The following CTNNA3 variants were observed in gnomAD, a reference collection of about 807,000 sequenced individuals.
The protein encoded by CTNNA3 is catenin alpha 3.
A neutral mutation model predicts 95.7 loss-of-function variants in CTNNA3; 76 were observed. That is an observed-to-expected ratio of 0.79 (90% CI 0.66 to 0.96). CTNNA3 has a LOEUF of 0.96. Ranked by LOEUF, CTNNA3 falls within the 40% of genes least tolerant of loss-of-function variation. The pLI is 0.00. For synonymous variants in CTNNA3, 431 were observed against 374.4 expected (o/e 1.15, Z -1.74); for missense variants, 1,191 against 1,089.8 (o/e 1.09, Z -1.31).
At chr10:67,003,939 G>A (rs1330080802) in intron 7 of CTNNA3, among the ~76,000 whole-genome samples, 1 of 152,134 alleles carries the variant, frequency 6.6e-6, no homozygotes, top group Admixed American at 6.5e-5. Context: ...TATTGCATGA[G>A]TAAGTTCTAT....
At chr10:66,320,887 T>C (rs893614844) in intron 12 of CTNNA3, among the ~76,000 whole-genome samples, 1 of 152,164 alleles carries the variant, frequency 6.6e-6, no homozygotes, top group African/African-American at 2.4e-5. Flanking sequence ...AATATTCTTT[T>C]GGCCAAGAAA....
At chr10:66,051,572 G>A (rs1209705018) in intron 15 of CTNNA3, among the ~76,000 whole-genome samples, 1 of 152,162 alleles carries the variant, frequency 6.6e-6, no homozygotes, top group Non-Finnish European at 1.5e-5. Flanking sequence ...AACATTTAGT[G>A]ATTTCCAAAC....
intron 7 of CTNNA3, among the ~76,000 whole-genome samples, chr10:67,080,929 A>G (rs1173931084): frequency 2.9e-5 from 1 of 34,974 alleles, no homozygotes; most frequent in Non-Finnish European, 5.0e-5. Flanking sequence ...AAAAAACAAA[A>G]AAACAACAAA....
chr10:67,346,654 G>A (rs1203170896), intron 5 of CTNNA3: 1 of 500,906 alleles, frequency 2.0e-6, no homozygotes, highest in Non-Finnish European at 4.0e-6. Flanking sequence ...CTAGTTATAA[G>A]TGAGTTTCTG....
intron 7 of CTNNA3, among the ~76,000 whole-genome samples, chr10:66,882,401 A>C (rs1844883182): frequency 6.6e-6 from 1 of 152,166 alleles, no homozygotes; most frequent in South Asian, 2.1e-4. Context: ...AATTTCGGCC[A>C]TCAAAACCAT....
chr10:65,985,009 T>C (rs1405836754), intron 16 of CTNNA3, among the ~76,000 whole-genome samples: 1 of 150,742 alleles, frequency 6.6e-6, no homozygotes, highest in African/African-American at 2.4e-5. Context: ...TTAATAAAAT[T>C]TTATAATAAT....
chr10:66,341,209 T>C (rs972659867), intron 12 of CTNNA3, among the ~76,000 whole-genome samples: 1 of 151,942 alleles, frequency 6.6e-6, no homozygotes, highest in African/African-American at 2.4e-5. Context: ...ATAAACATGT[T>C]AGCAACCATC....
chr10:66,055,921 C>CAAAAAA (rs386371652), intron 15 of CTNNA3, among the ~76,000 whole-genome samples: 1 of 60,210 alleles, frequency 1.7e-5, no homozygotes, highest in Admixed American at 2.1e-4. Context: ...GACTCCATCT[C>CAAAAAA]AAAAAAAAAA....
intron 5 of CTNNA3, among the ~76,000 whole-genome samples, chr10:67,267,281 TA>T (rs1268646060): frequency 6.6e-6 from 1 of 152,190 alleles, no homozygotes; most frequent in Non-Finnish European, 1.5e-5. Flanking sequence ...CTGGCTGAAA[TA>T]AAAACACGAA....
At chr10:67,738,235 C>G (rs182760751) in intron 1 of CTNNA3, among the ~76,000 whole-genome samples, 62 of 152,276 alleles carry the variant, frequency 4.1e-4, no homozygotes, top group African/African-American at 1.4e-3. Context: ...GAGGAAGGAT[C>G]AGGCAGCGAT....
intron 9 of CTNNA3, among the ~76,000 whole-genome samples, chr10:66,649,102 C>T (rs1845807324): frequency 6.6e-6 from 1 of 151,828 alleles, no homozygotes. Flanking sequence ...ATAATAGGTG[C>T]CAGAAGAAAA....
At chr10:66,187,192 T>C (rs1021580415) in intron 13 of CTNNA3, among the ~76,000 whole-genome samples, 14 of 152,108 alleles carry the variant, frequency 9.2e-5, no homozygotes, top group African/African-American at 3.1e-4. Flanking sequence ...CGTGCAAAAC[T>C]TGTTACTTGA....
intron 13 of CTNNA3, among the ~76,000 whole-genome samples, chr10:66,135,079 G>C (rs924555045): frequency 6.6e-6 from 1 of 152,090 alleles, no homozygotes; most frequent in Non-Finnish European, 1.5e-5. Context: ...AATGAAAAAT[G>C]ATAAGAAAAT....
Position 67,219,733 on chromosome 10 carries a change from G to A in CTNNA3, c.717C>T (p.Asp239=). The change falls in exon 6 of 18, where the codon GAC becomes GAT. Residue 239 remains aspartate, a synonymous_variant. Coordinates refer to ENST00000433211, the MANE Select transcript of CTNNA3 (RefSeq NM_013266.4). ...SDVASLKASK[D]TVCEEIQNAL... ...CATTCTGAATTTCTTCACAAACTGT[G>A]TCCTTGCTTGCTTTGAGGGAAGCAA... The A allele has an allele frequency of 6.2e-7, 1 of 1,614,058 alleles. No homozygotes were observed.
chr10:67,102,932 G>T (rs1858424463), intron 7 of CTNNA3, among the ~76,000 whole-genome samples: 1 of 151,708 alleles, frequency 6.6e-6, no homozygotes, highest in South Asian at 2.1e-4. Context: ...GATTAATGTG[G>T]AAAATAGTAG....
chr10:67,637,988 G>C (rs1416690543), intron 2 of CTNNA3, among the ~76,000 whole-genome samples: 3 of 152,134 alleles, frequency 2.0e-5, no homozygotes, highest in Non-Finnish European at 2.9e-5. Flanking sequence ...ACATCATAAT[G>C]ACAGGATCAA....
At chr10:66,287,198 A>G (rs370489081) in intron 12 of CTNNA3, among the ~76,000 whole-genome samples, 6 of 152,064 alleles carry the variant, frequency 3.9e-5, no homozygotes, top group Non-Finnish European at 8.8e-5. Context: ...GGAAGGCTGA[A>G]GCAAGAGGAT....
At chr10:66,608,827 A>G (rs1195646131) in intron 10 of CTNNA3, among the ~76,000 whole-genome samples, 1 of 152,180 alleles carries the variant, frequency 6.6e-6, no homozygotes, top group Non-Finnish European at 1.5e-5. Flanking sequence ...ACCCTAACCA[A>G]TAAAAACCCT....
chr10:65,942,087 A>C (rs1564528877), intron 17 of CTNNA3, among the ~76,000 whole-genome samples: 1 of 152,196 alleles, frequency 6.6e-6, no homozygotes, highest in Admixed American at 6.5e-5. Context: ...ATTTTACTAG[A>C]TTTCAGAGAA....
Sources: allele counts gnomAD v4.1 joint callset (sites outside exome capture counted in the v4.1 genomes callset), GRCh38; gene constraint gnomAD v4.1.1; transcripts MANE v1.5; gene names NCBI Gene and HGNC (gene_info 2026-07-23, HGNC 2026-07-21).